The following RAC1 variants were observed in gnomAD, a reference collection of about 807,000 sequenced individuals.
RAC1 encodes the protein Rac family small GTPase 1.
In RAC1, 2 loss-of-function variants were observed where a neutral mutation model predicts 25.2. The ratio of observed to expected loss-of-function variants is 0.08; its 90% CI spans 0.03 to 0.25. The LOEUF is 0.25. Ranked by LOEUF, RAC1 falls within the 10% of genes least tolerant of loss-of-function variation. The pLI is 1.00. For synonymous variants in RAC1, 88 were observed against 94.0 expected, an observed-to-expected ratio of 0.94 and a Z score of 0.37; for missense variants, 50 against 235.7, an observed-to-expected ratio of 0.21 and a Z score of 5.16.
chr7:6,401,851 T>A lies in RAC1; in HGVS notation c.289-17T>A. The A allele has an allele frequency of 6.2e-7, 1 of 1,607,764 alleles. No individual in the cohort carries two copies. The highest frequency in any genetic ancestry group is 8.5e-7 in the Non-Finnish European group (1 of 1,176,538). On this transcript the variant is annotated splice_polypyrimidine_tract_variant and intron_variant, in intron 4 of 5. Coordinates refer to ENST00000348035, the MANE Select transcript of RAC1 (RefSeq NM_006908.5). ...TAAAGGAGCGTGTCACAACCTCTGT[T>A]CCTTCTTCACATCTAGTGGTATCCT...
intron 2 of RAC1, among the ~76,000 whole-genome samples, chr7:6,389,919 A>G (rs1425767704): frequency 6.6e-6 from 1 of 151,068 alleles, no homozygotes; most frequent in Non-Finnish European, 1.5e-5. Flanking sequence ...TACTGATGGA[A>G]CATTTCCTTC....
intron 1 of RAC1, among the ~76,000 whole-genome samples, chr7:6,380,954 C>T (rs752259905): frequency 2.2e-4 from 33 of 151,796 alleles, no homozygotes; most frequent in Admixed American, 1.6e-3. Context: ...CTGCAATCTC[C>T]GCATCCCAGG....
At chr7:6,383,310 T>C (rs191803879) in intron 1 of RAC1, among the ~76,000 whole-genome samples, 5 of 152,350 alleles carry the variant, frequency 3.3e-5, no homozygotes, top group African/African-American at 9.6e-5. Flanking sequence ...TATACACTAA[T>C]AGGAGTGGAA....
At chr7:6,384,620 G>A (rs1318807872) in intron 1 of RAC1, among the ~76,000 whole-genome samples, 1 of 152,044 alleles carries the variant, frequency 6.6e-6, no homozygotes, top group Non-Finnish European at 1.5e-5. Flanking sequence ...TGGGACTACA[G>A]GCAAGAGCCA....
chr7:6,390,145 G>C (rs1364207032), intron 2 of RAC1, among the ~76,000 whole-genome samples: 1 of 118,262 alleles, frequency 8.5e-6, no homozygotes, highest in East Asian at 2.7e-4. Flanking sequence ...TATTGCCCAG[G>C]CCGGACTTGA....
intron 1 of RAC1, among the ~76,000 whole-genome samples, chr7:6,383,550 C>G (rs894081221): frequency 6.6e-6 from 1 of 152,032 alleles, no homozygotes; most frequent in Non-Finnish European, 1.5e-5. Context: ...TGAATTTCTT[C>G]CCGGTTGAGC....
At chr7:6,378,437 T>C (rs1782666719) in intron 1 of RAC1, among the ~76,000 whole-genome samples, 1 of 151,790 alleles carries the variant, frequency 6.6e-6, no homozygotes, top group South Asian at 2.1e-4. Context: ...TCCCAGCTAC[T>C]CAGGATGCTG....
chr7:6,386,027 A>G (rs992254122), intron 1 of RAC1, among the ~76,000 whole-genome samples: 2 of 152,154 alleles, frequency 1.3e-5, no homozygotes, highest in African/African-American at 4.8e-5. Flanking sequence ...TAGCCTCTTG[A>G]AAAACATTCC....
chr7:6,390,151 C>CTT (rs1332995659), intron 2 of RAC1, among the ~76,000 whole-genome samples: 2 of 133,262 alleles, frequency 1.5e-5, no homozygotes, highest in South Asian at 2.4e-4. Context: ...CCAGGCCGGA[C>CTT]TTGAAGTACT....
intron 1 of RAC1, among the ~76,000 whole-genome samples, chr7:6,380,895 G>A (rs1292459387): frequency 6.6e-6 from 1 of 152,186 alleles, no homozygotes; most frequent in African/African-American, 2.4e-5. Flanking sequence ...TTGAGGTGGA[G>A]TCTTGCTCTG....
At chr7:6,400,008 AC>A in intron 3 of RAC1, 117 bp from the exon 4 acceptor site, 1 of 923,530 alleles carries the variant, frequency 1.1e-6, no homozygotes, top group Non-Finnish European at 1.8e-6. Flanking sequence ...GTCTGACCAC[AC>A]CACTGGTAGA....
intron 1 of RAC1, among the ~76,000 whole-genome samples, chr7:6,382,960 G>C (rs1782813106): frequency 1.3e-5 from 2 of 152,180 alleles, no homozygotes; most frequent in South Asian, 4.1e-4. Flanking sequence ...GACAGGGCAG[G>C]GGAAGCACAG....
At chr7:6,374,926 C>T (rs1360692266) in intron 1 of RAC1, among the ~76,000 whole-genome samples, 156 bp downstream of exon 1, 1 of 151,224 alleles carries the variant, frequency 6.6e-6, no homozygotes, top group African/African-American at 2.4e-5. Context: ...CGGGCGGGCG[C>T]CCCCACCGGA....
In RAC1 at chr7:6,402,493, C is replaced by T. The variant is rs1279085861; in HGVS notation, c.*47C>T. ...GGTCCTGTCCCTTGGAACCTTTGTA[C>T]GCTTTGCTCAAAAAAAAACAAAAAA... On this transcript the variant is annotated 3_prime_UTR_variant, in exon 6 of 6. Transcript: ENST00000348035. 5.8e-5 allele frequency: 24 copies of T among 415,034 alleles called. No homozygotes were observed. The highest frequency in any genetic ancestry group is 1.2e-4 in the African/African-American group (3 of 25,810). 25.7% of individuals were successfully genotyped at this position (415,034 alleles called of 1,614,324 possible). A position where few individuals can be genotyped will look rare whatever the true frequency, so the allele number is the denominator to read the frequency against.
At chr7:6,387,168 T>C (rs1332415283) in intron 1 of RAC1, 44 bp from the exon 2 acceptor site, 7 of 1,221,000 alleles carry the variant, frequency 5.7e-6, no homozygotes, top group Non-Finnish European at 8.2e-6. Context: ...AAGCTAAGAT[T>C]ACATTCATGT....
At chr7:6,380,577 A>G (rs1031190273) in intron 1 of RAC1, among the ~76,000 whole-genome samples, 9 of 152,148 alleles carry the variant, frequency 5.9e-5, no homozygotes, top group African/African-American at 2.2e-4. Flanking sequence ...GTAGCTCTTA[A>G]AATTGTAGTC....
intron 3 of RAC1, among the ~76,000 whole-genome samples, chr7:6,395,066 G>A (rs1230027153): frequency 6.6e-6 from 1 of 152,118 alleles, no homozygotes; most frequent in Non-Finnish European, 1.5e-5. Flanking sequence ...ATGTTAGCCA[G>A]GATGGTCTTG....
chr7:6,376,668 ATTTGT>A (rs1782609163), intron 1 of RAC1, among the ~76,000 whole-genome samples: 1 of 91,130 alleles, frequency 1.1e-5, no homozygotes, highest in Admixed American at 1.2e-4. Context: ...TGCCCAGCTA[ATTTGT>A]TTTTTTTTTT....
intron 1 of RAC1, among the ~76,000 whole-genome samples, chr7:6,375,422 C>G (rs1334638508): frequency 6.6e-6 from 1 of 152,074 alleles, no homozygotes; most frequent in Non-Finnish European, 1.5e-5. Flanking sequence ...AATGGGGTCT[C>G]ACTGTGTTGT....
Sources: gnomAD v4.1 joint callset for allele counts (sites outside exome capture counted in the v4.1 genomes callset) on GRCh38, gnomAD v4.1.1 for gene constraint, MANE v1.5 for transcripts, NCBI Gene and HGNC (gene_info 2026-07-23, HGNC 2026-07-21) for gene names.